Variants in ELP2 observed in about 807,000 individuals in gnomAD.
ELP2 encodes the protein elongator acetyltransferase complex subunit 2, also known as elongator complex protein 2.
Under a neutral mutation model 119.2 loss-of-function variants are expected in ELP2, and 90 were observed. The ratio of observed to expected loss-of-function variants is 0.75; its 90% CI spans 0.64 to 0.90. The LOEUF is 0.90. ELP2 is among the 40% of genes least tolerant of loss of function. ELP2 has a pLI of 0.00. For missense variants in ELP2, 921 were observed against 967.8 expected (o/e 0.95, Z 0.64); for synonymous variants, 339 against 331.0 (o/e 1.02, Z -0.26).
chr18:36,153,253 G>A (rs796609096), intron 11 of ELP2, among the ~76,000 whole-genome samples: 38 of 152,254 alleles, frequency 2.5e-4, no homozygotes, highest in African/African-American at 8.4e-4. Flanking sequence ...AATTCCACTG[G>A]TAACTTTAAC....
chr18:36,147,133 G>A (rs978096186), intron 11 of ELP2, among the ~76,000 whole-genome samples: 1 of 148,866 alleles, frequency 6.7e-6, no homozygotes, highest in East Asian at 2.0e-4. Context: ...TGTCATCCAG[G>A]TGTGATCATA....
Position 36,174,738 on chromosome 18 carries a change from G to GTTTT in ELP2, c.*108_*111dup. 1.6e-5 allele frequency: 15 copies of GTTTT among 962,572 alleles called. No individual in the cohort carries two copies. The highest frequency in any genetic ancestry group is 5.4e-5 in the Admixed American group (2 of 37,336). 59.6% of individuals were successfully genotyped at this position (962,572 alleles called of 1,614,324 possible). Reference sequence around the variant, plus strand: ...CTTCATAACTGAATTGAGTTTCTGGGTTTTTTTTTTTTTTGAGATGGAGTC... The same window carrying GTTTT: ...CTTCATAACTGAATTGAGTTTCTGGGTTTTTTTTTTTTTTTTTTGAGATGGAGTC... On this transcript the variant is annotated 3_prime_UTR_variant, in exon 22 of 22. Coordinates refer to ENST00000358232, the MANE Select transcript of ELP2 (RefSeq NM_018255.4).
In ELP2 at chr18:36,171,158, A is replaced by T; in HGVS notation, c.2322A>T (p.Gln774His). 6.2e-7 allele frequency: 1 copy of T among 1,608,540 alleles called. No homozygotes were observed. The highest frequency in any genetic ancestry group is 8.5e-7 in the Non-Finnish European group (1 of 1,175,076). The change falls in exon 21 of 22, where the codon CAA (glutamine) becomes CAT (histidine). Residue 774 changes from glutamine to histidine, a missense_variant and splice_region_variant. Transcript: ENST00000358232. ...GGACCCACTGTGTAGAAACAAGTCA[A>T]AGGTATTTCTTTCCTATTTTTGTTT... ...NDWTHCVETS[Q>H]SQSHTLAIRK...
intron 13 of ELP2, among the ~76,000 whole-genome samples, chr18:36,157,279 A>G (rs2090602471): frequency 6.6e-6 from 1 of 152,242 alleles, no homozygotes; most frequent in East Asian, 1.9e-4. Context: ...GTAGGAAGAT[A>G]GGTTACACAG....
intron 8 of ELP2, among the ~76,000 whole-genome samples, chr18:36,144,720 G>A (rs3737470): frequency 0.35 from 52,735 of 152,086 alleles, 10,705 homozygotes; most frequent in South Asian, 0.6. Context: ...TGACCAGCTA[G>A]AACAGAATAT....
In ELP2 at chr18:36,167,115, C is replaced by G. The variant is rs1568023817; in HGVS notation, c.1969C>G (p.Leu657Val). 3.1e-6 allele frequency: 5 copies of G among 1,598,346 alleles called. No individual in the cohort carries two copies. The highest frequency in any genetic ancestry group is 4.3e-6 in the Non-Finnish European group (5 of 1,172,840). The change falls in exon 19 of 22, where the codon CTT becomes GTT. Residue 657 changes from leucine to valine, a missense_variant. By Grantham distance (32) the Leu-to-Val change is conservative. Coordinates refer to ENST00000358232, the MANE Select transcript of ELP2 (RefSeq NM_018255.4). ...ATTTCTTTCAGAGCCAGTTTTTAGT[C>G]TTTTTGCCTTCACCAACAAAATTAC... is the stretch of plus-strand genomic sequence containing the variant. ...ISPEFEPVFS[L>V]FAFTNKITSV...
At chr18:36,147,898 A>T (rs2144665526) in intron 11 of ELP2, among the ~76,000 whole-genome samples, 1 of 152,180 alleles carries the variant, frequency 6.6e-6, no homozygotes, top group South Asian at 2.1e-4. Flanking sequence ...AGAAGCAGAG[A>T]CGTGTAGGGT....
intron 11 of ELP2, among the ~76,000 whole-genome samples, chr18:36,153,738 T>G (rs1454900121): frequency 6.6e-6 from 1 of 152,186 alleles, no homozygotes; most frequent in Non-Finnish European, 1.5e-5. Flanking sequence ...TTAACATTTA[T>G]TGGTTTATGG....
intron 4 of ELP2, 115 bp downstream of exon 4, chr18:36,138,541 A>G (rs1221150765): frequency 2.3e-5 from 27 of 1,191,464 alleles, no homozygotes; most frequent in African/African-American, 3.1e-5. Context: ...TAAAAATACT[A>G]TAATTCTAAT....
rs1567984224 is a variant in ELP2, at chr18:36,142,303, G to A, written c.611G>A (p.Cys204Tyr). ...TAGTTTCAGAAAGTGCTTTCTCTCT[G>A]TGGACATGAGGATTGGATTAGAGGA... is the stretch of plus-strand genomic sequence containing the variant. ...NDQFQKVLSL[C>Y]GHEDWIRGVE... The change falls in exon 7 of 22, where the codon TGT becomes TAT. Residue 204 changes from cysteine (C) to tyrosine (Y), a missense_variant. Coordinates refer to ENST00000358232, the MANE Select transcript of ELP2 (RefSeq NM_018255.4). 1.2e-6 allele frequency: 2 copies of A among 1,613,882 alleles called. No individual in the cohort carries two copies. The highest frequency in any genetic ancestry group is 1.7e-6 in the Non-Finnish European group (2 of 1,179,966).
At chr18:36,136,814 T>C (rs1182810837) in intron 3 of ELP2, among the ~76,000 whole-genome samples, 1 of 152,196 alleles carries the variant, frequency 6.6e-6, no homozygotes, top group Admixed American at 6.5e-5. Flanking sequence ...TGGAATAATT[T>C]TCAAACTATT....
intron 11 of ELP2, among the ~76,000 whole-genome samples, chr18:36,150,049 AACCTACTAC>A (rs1280020393): frequency 2.0e-5 from 3 of 152,022 alleles, no homozygotes; most frequent in Non-Finnish European, 4.4e-5. Context: ...TGATAAGCAA[AACCTACTAC>A]ACAGTCAGTT....
Position 36,155,007 on chromosome 18 carries a change from G to A in ELP2, c.1275+8G>A. 1 of 1,608,326 alleles carries A rather than the reference G, an allele frequency of 6.2e-7. No individual in the cohort carries two copies. Among genetic ancestry groups the A allele is most frequent in the Non-Finnish European group, 8.5e-7 (1 of 1,175,046 alleles). On this transcript the variant is annotated splice_region_variant and intron_variant, in intron 12 of 21. Coordinates refer to ENST00000358232, the MANE Select transcript of ELP2 (RefSeq NM_018255.4). The stretch of plus-strand genomic sequence containing the variant: ...AGAAAAGACCAATCACAGGTAAAAT[G>A]TCTTATTTATTTATTTATTTTTTCT...
chr18:36,165,021 T>C, intron 18 of ELP2: 1 of 275,900 alleles, frequency 3.6e-6, no homozygotes, highest in South Asian at 4.0e-5. Context: ...GCTAGGATTT[T>C]ATGGGACAGG....
Position 36,176,527 on chromosome 18 carries a change from G to C in ELP2, c.*1886G>C, listed in dbSNP as rs1442116208. On this transcript the variant is annotated 3_prime_UTR_variant, in exon 22 of 22. Transcript: ENST00000358232. ...GTTATCTGCAAGTAGGCCTTGCCTAGAGAGACTGAGTTTTCAAGTTGTCAG... is the reference window on the plus strand; with the variant it reads ...GTTATCTGCAAGTAGGCCTTGCCTACAGAGACTGAGTTTTCAAGTTGTCAG... The C allele has an allele frequency of 6.6e-6, 1 of 152,208 alleles. No homozygotes were observed. The highest frequency in any genetic ancestry group is 2.4e-5 in the African/African-American group (1 of 41,444). The allele number at this position is 152,208 out of a possible 1,614,324, so 9.4% of individuals were successfully genotyped here.
intron 3 of ELP2, among the ~76,000 whole-genome samples, chr18:36,137,938 T>C (rs2089888898): frequency 6.6e-6 from 1 of 152,160 alleles, no homozygotes; most frequent in Non-Finnish European, 1.5e-5. Context: ...GGGATGTGCT[T>C]ATGTAGTAAT....
intron 21 of ELP2, among the ~76,000 whole-genome samples, chr18:36,172,656 C>G (rs577433794): frequency 2.0e-5 from 3 of 152,294 alleles, no homozygotes; most frequent in African/African-American, 7.2e-5. Flanking sequence ...GAAATTTTCT[C>G]TCTTCCTGGG....
At chr18:36,173,722 G>C (rs888275195) in intron 21 of ELP2, among the ~76,000 whole-genome samples, 4 of 152,326 alleles carry the variant, frequency 2.6e-5, no homozygotes, top group Admixed American at 2.6e-4. Context: ...AAAGTGTAAT[G>C]TGTGTGCTCT....
At chr18:36,166,895 A>T in intron 18 of ELP2, 1 of 386,794 alleles carries the variant, frequency 2.6e-6, no homozygotes, top group Middle Eastern at 7.5e-4. Context: ...ACCAGTCAGT[A>T]CAAAAGCATT....
Sources: allele counts gnomAD v4.1 joint callset (sites outside exome capture counted in the v4.1 genomes callset), GRCh38; gene constraint gnomAD v4.1.1; transcripts MANE v1.5; gene names NCBI Gene and HGNC (gene_info 2026-07-23, HGNC 2026-07-21).